Variants in WWOX observed in about 807,000 individuals in gnomAD.
WWOX encodes the protein WW domain containing oxidoreductase.
WWOX carries 69 observed loss-of-function variants against 46.2 expected under a neutral mutation model. The observed-to-expected ratio is 1.49, with a 90% CI of 1.23 to 1.82. The LOEUF (loss-of-function observed/expected upper bound fraction) is 1.82, where lower values mean the gene tolerates loss of function less well. WWOX is among the 40% of genes most tolerant of loss of function. The pLI, the probability that WWOX is intolerant of heterozygous loss-of-function variation, is 0.00. For synonymous variants in WWOX, 359 were observed against 202.6 expected (o/e 1.77, Z -6.56); for missense variants, 919 against 542.6 (o/e 1.69, Z -6.89).
intron 8 of WWOX, among the ~76,000 whole-genome samples, chr16:79,021,066 C>A (rs562066183): frequency 1.6e-4 from 24 of 152,302 alleles, no homozygotes; most frequent in African/African-American, 4.6e-4. Flanking sequence ...AAGAGATGTT[C>A]ATTTACCTCA....
intron 8 of WWOX, among the ~76,000 whole-genome samples, chr16:78,997,222 C>G (rs960739617): frequency 6.6e-6 from 1 of 152,076 alleles, no homozygotes; most frequent in Non-Finnish European, 1.5e-5. Flanking sequence ...TCAAAGCAAA[C>G]TGAAATAAAA....
chr16:78,966,230 G>GTAA (rs1361377297), intron 8 of WWOX, among the ~76,000 whole-genome samples: 1 of 152,162 alleles, frequency 6.6e-6, no homozygotes, highest in Non-Finnish European at 1.5e-5. Context: ...TAAAGGCACT[G>GTAA]GTTTAAGAGG....
chr16:79,054,848 T>TA (rs1371085156), intron 8 of WWOX, among the ~76,000 whole-genome samples: 1 of 152,104 alleles, frequency 6.6e-6, no homozygotes, highest in African/African-American at 2.4e-5. Context: ...AGAAAAATCA[T>TA]AAAAGGGAGG....
intron 8 of WWOX, among the ~76,000 whole-genome samples, chr16:78,888,744 C>T (rs994793204): frequency 1.3e-5 from 2 of 152,172 alleles, no homozygotes; most frequent in African/African-American, 4.8e-5. Flanking sequence ...ATACATTCCC[C>T]TAAAATAGCC....
At chr16:78,802,932 AAAAAAAAAAAC>A (rs1322288306) in intron 8 of WWOX, among the ~76,000 whole-genome samples, 13 of 101,438 alleles carry the variant, frequency 1.3e-4, no homozygotes, top group African/African-American at 4.3e-4. Context: ...AAAAAAAAAA[AAAAAAAAAAAC>A]AACAAACAGA....
At chr16:78,332,424 A>G (rs190975608) in intron 5 of WWOX, among the ~76,000 whole-genome samples, 1 of 152,188 alleles carries the variant, frequency 6.6e-6, no homozygotes, top group African/African-American at 2.4e-5. Flanking sequence ...CCAGCGGAGT[A>G]GCCTGTGATT....
intron 8 of WWOX, among the ~76,000 whole-genome samples, chr16:78,749,992 C>T (rs12930381): frequency 0.049 from 7,508 of 152,156 alleles, 264 homozygotes; most frequent in Non-Finnish European, 0.075. Flanking sequence ...CTCAGCTCCC[C>T]CCAACAATCC....
chr16:78,977,746 G>T (rs904288275), intron 8 of WWOX, among the ~76,000 whole-genome samples: 1 of 152,052 alleles, frequency 6.6e-6, no homozygotes, highest in Non-Finnish European at 1.5e-5. Context: ...GTCTGTGACC[G>T]TCCTGAAGGA....
intron 5 of WWOX, among the ~76,000 whole-genome samples, chr16:78,235,807 A>G (rs949265342): frequency 2.0e-5 from 3 of 152,162 alleles, no homozygotes; most frequent in Non-Finnish European, 4.4e-5. Flanking sequence ...CAGAGCCACC[A>G]ATTACTAAGG....
chr16:78,942,016 C>T (rs1433459869), intron 8 of WWOX, among the ~76,000 whole-genome samples: 1 of 152,132 alleles, frequency 6.6e-6, no homozygotes, highest in African/African-American at 2.4e-5. Flanking sequence ...TATTGGCGAG[C>T]ATTTCTTTCC....
chr16:79,001,631 C>G (rs917942400), intron 8 of WWOX, among the ~76,000 whole-genome samples: 1 of 150,782 alleles, frequency 6.6e-6, no homozygotes, highest in African/African-American at 2.4e-5. Context: ...TAATAAACTA[C>G]TCTATATTAT....
intron 8 of WWOX, among the ~76,000 whole-genome samples, chr16:79,019,913 A>G (rs571589924): frequency 1.2e-4 from 19 of 152,320 alleles, no homozygotes; most frequent in African/African-American, 4.6e-4. Flanking sequence ...GGGGGTAAAT[A>G]TACTTAATTC....
intron 8 of WWOX, among the ~76,000 whole-genome samples, chr16:78,816,310 C>T (rs951629875): frequency 6.6e-6 from 1 of 152,104 alleles, no homozygotes; most frequent in African/African-American, 2.4e-5. Flanking sequence ...TGAATGTTCA[C>T]TTCATTTTTT....
intron 8 of WWOX, among the ~76,000 whole-genome samples, chr16:78,918,781 A>G (rs1449641052): frequency 6.6e-6 from 1 of 152,152 alleles, no homozygotes; most frequent in African/African-American, 2.4e-5. Flanking sequence ...GAGTCAAGTT[A>G]CTTGTCTAAG....
rs147568358 is a variant in WWOX at position 78,410,129 on chromosome 16, C to T, written c.606-14741C>T. Among the ~76,000 whole-genome samples, 9 of 152,258 alleles carry T rather than the reference C, an allele frequency of 5.9e-5. No individual in the cohort carries two copies. In the East Asian group the frequency reaches 1.2e-3, roughly 20 times the overall value. ...ACCTTCCTTCCTCTGTTGCTCTTGCCCTCACCATGTTAGCTGCCTACTCCC... is the reference window on the plus strand; with the variant it reads ...ACCTTCCTTCCTCTGTTGCTCTTGCTCTCACCATGTTAGCTGCCTACTCCC... On this transcript the variant is annotated intron_variant, in intron 6 of 8. Coordinates refer to ENST00000566780, the MANE Select transcript of WWOX (RefSeq NM_016373.4).
At chr16:78,523,786 G>A (rs2043399341) in intron 8 of WWOX, among the ~76,000 whole-genome samples, 1 of 152,186 alleles carries the variant, frequency 6.6e-6, no homozygotes, top group African/African-American at 2.4e-5. Context: ...ATGACCCTGG[G>A]GGCCTCTGGA....
intron 8 of WWOX, among the ~76,000 whole-genome samples, chr16:78,479,526 C>G (rs942124397): frequency 1.3e-5 from 2 of 152,108 alleles, no homozygotes; most frequent in African/African-American, 4.8e-5. Context: ...AATGAAGTCA[C>G]TTTGTGGCAT....
chr16:78,536,383 A>G (rs1418968470), intron 8 of WWOX, among the ~76,000 whole-genome samples: 1 of 151,824 alleles, frequency 6.6e-6, no homozygotes, highest in African/African-American at 2.4e-5. Flanking sequence ...GCTGTGGGGC[A>G]TCCAAGATAA....
chr16:78,375,789 A>G (rs1165096585), intron 5 of WWOX, among the ~76,000 whole-genome samples: 2 of 152,208 alleles, frequency 1.3e-5, no homozygotes, highest in Non-Finnish European at 1.5e-5. Flanking sequence ...AAAACAAAAC[A>G]AAACAAAATT....
Sources: allele counts gnomAD v4.1 joint callset (sites outside exome capture counted in the v4.1 genomes callset), GRCh38; gene constraint gnomAD v4.1.1; transcripts MANE v1.5; gene names NCBI Gene and HGNC (gene_info 2026-07-23, HGNC 2026-07-21).